The following ZNF609 variants were observed in gnomAD, a reference collection of about 807,000 sequenced individuals.
ZNF609 encodes the protein zinc finger protein 609.
A neutral mutation model predicts 109.5 loss-of-function variants in ZNF609; 11 were observed. The ratio of observed to expected loss-of-function variants is 0.10; its 90% CI spans 0.06 to 0.17. ZNF609 has a LOEUF of 0.17. Among genes scored for constraint, ZNF609 ranks in the 10% least tolerant of loss-of-function variants. The pLI is 1.00. For synonymous variants in ZNF609, 646 were observed against 662.0 expected (o/e 0.98, Z 0.37); for missense variants, 1,559 against 1,772.4 (o/e 0.88, Z 2.16).
intron 2 of ZNF609, among the ~76,000 whole-genome samples, chr15:64,619,652 C>T (rs557280991): frequency 1.2e-4 from 19 of 152,324 alleles, no homozygotes; most frequent in Non-Finnish European, 5.9e-5. Flanking sequence ...CATCTTCATA[C>T]AACAGAGATG....
intron 3 of ZNF609, among the ~76,000 whole-genome samples, chr15:64,651,091 C>T (rs1896408967): frequency 6.6e-6 from 1 of 152,058 alleles, no homozygotes; most frequent in African/African-American, 2.4e-5. Flanking sequence ...AGACCCATCT[C>T]AAACTATCTA....
intron 2 of ZNF609, among the ~76,000 whole-genome samples, chr15:64,576,072 AG>A (rs1567018657): frequency 6.6e-6 from 1 of 152,206 alleles, no homozygotes; most frequent in African/African-American, 2.4e-5. Context: ...GCTGCACTCC[AG>A]CCTGGGCGAC....
At chr15:64,493,902 G>A (rs1191798319) in intron 1 of ZNF609, among the ~76,000 whole-genome samples, 1 of 152,202 alleles carries the variant, frequency 6.6e-6, no homozygotes, top group Non-Finnish European at 1.5e-5. Context: ...GCTGCATAAA[G>A]CCAGGGATGC....
At chr15:64,562,230 A>G (rs943684134) in intron 2 of ZNF609, among the ~76,000 whole-genome samples, 2 of 152,214 alleles carry the variant, frequency 1.3e-5, no homozygotes, top group African/African-American at 4.8e-5. Context: ...CCCCAAAATG[A>G]TTGTCAAAGT....
At chr15:64,520,184 C>G (rs1483290674) in intron 2 of ZNF609, among the ~76,000 whole-genome samples, 3 of 152,118 alleles carry the variant, frequency 2.0e-5, no homozygotes, top group African/African-American at 7.2e-5. Flanking sequence ...TTCTGGGTTG[C>G]TATAACCAGG....
At chr15:64,517,577 T>G (rs752348396) in intron 2 of ZNF609, among the ~76,000 whole-genome samples, 19 of 152,006 alleles carry the variant, frequency 1.2e-4, no homozygotes, top group Non-Finnish European at 2.4e-4. Context: ...GCACTTAGGA[T>G]AAAGAGTTGA....
At chr15:64,513,962 C>G (rs1457725406) in intron 2 of ZNF609, among the ~76,000 whole-genome samples, 6 of 152,040 alleles carry the variant, frequency 3.9e-5, no homozygotes. Context: ...TGTGTTGATA[C>G]ATGCCTGTGG....
chr15:64,609,226 C>T (rs1595737865), intron 2 of ZNF609, among the ~76,000 whole-genome samples: 1 of 151,372 alleles, frequency 6.6e-6, no homozygotes, highest in African/African-American at 2.4e-5. Flanking sequence ...CACTCTGTCG[C>T]CCAGGCTGGA....
At chr15:64,562,346 A>G (rs1173546884) in intron 2 of ZNF609, among the ~76,000 whole-genome samples, 1 of 152,232 alleles carries the variant, frequency 6.6e-6, no homozygotes, top group Non-Finnish European at 1.5e-5. Context: ...TAATCTCACA[A>G]TAGCCTTGGC....
chr15:64,637,853 C>G (rs1418483382), intron 3 of ZNF609, among the ~76,000 whole-genome samples: 2 of 151,208 alleles, frequency 1.3e-5, no homozygotes, highest in Non-Finnish European at 3.0e-5. Flanking sequence ...GTGTCTTTGT[C>G]TTCATTTTTA....
Position 64,499,726 on chromosome 15 carries a change from A to C in ZNF609, c.307A>C (p.Thr103Pro), listed in dbSNP as rs765890170. 4 of 1,614,004 alleles carry C rather than the reference A, an allele frequency of 2.5e-6. No homozygotes were observed. Among genetic ancestry groups the C allele is most frequent in the Non-Finnish European group, 3.4e-6 (4 of 1,180,002 alleles). Residue 103 changes from threonine to proline, a missense_variant, in exon 2 of 10, where the codon ACT (threonine) becomes CCT (proline). Thr to Pro is a conservative substitution (Grantham distance 38). Around this residue, in one of 4 missense-constraint regions of ZNF609, gnomAD observed 291 missense variants for 317.8 expected, o/e 0.92. Transcript: ENST00000326648. ...SKSGKDTSKP[T>P]PGTSLFTPSE... ...GAGTGGCAAAGACACTAGCAAACCC[A>C]CTCCAGGGACTTCCCTGTTCACTCC...
At chr15:64,529,498 C>T in intron 2 of ZNF609, 1 of 1,117,198 alleles carries the variant, frequency 9.0e-7, no homozygotes, top group Non-Finnish European at 1.3e-6. Flanking sequence ...CTTGACGGTG[C>T]CATGGAATTT....
intron 2 of ZNF609, among the ~76,000 whole-genome samples, chr15:64,508,080 T>C: frequency 6.6e-6 from 1 of 152,044 alleles, no homozygotes; most frequent in East Asian, 1.9e-4. Context: ...GTAAGAGCAA[T>C]AGCTCTTTTG....
At chr15:64,670,879 CAAAAAA>C (rs112565259) in intron 4 of ZNF609, among the ~76,000 whole-genome samples, 1 of 50,746 alleles carries the variant, frequency 2.0e-5, no homozygotes, top group Admixed American at 2.4e-4. Flanking sequence ...AACTCCATCT[CAAAAAA>C]AAAAAAAAAA....
chr15:64,652,369 A>C (rs1051584493), intron 3 of ZNF609, among the ~76,000 whole-genome samples: 1 of 141,940 alleles, frequency 7.0e-6, no homozygotes, highest in African/African-American at 2.6e-5. Flanking sequence ...CTACAGGCAC[A>C]CACCACCATG....
At chr15:64,597,873 T>C (rs959294699) in intron 2 of ZNF609, among the ~76,000 whole-genome samples, 2 of 152,148 alleles carry the variant, frequency 1.3e-5, no homozygotes, top group East Asian at 1.9e-4. Context: ...CATCTACTTA[T>C]ATGTCACACT....
intron 2 of ZNF609, among the ~76,000 whole-genome samples, chr15:64,543,590 C>T (rs919418569): frequency 6.6e-6 from 1 of 151,546 alleles, no homozygotes; most frequent in Admixed American, 6.6e-5. Context: ...TTACAGGCGC[C>T]CTGCCACCAT....
chr15:64,487,695 C>T (rs1334822858), intron 1 of ZNF609, among the ~76,000 whole-genome samples: 2 of 151,892 alleles, frequency 1.3e-5, no homozygotes, highest in African/African-American at 4.8e-5. Flanking sequence ...TGCGGTGGCA[C>T]AATCTCGGCT....
At chr15:64,483,138 C>G (rs970205862) in intron 1 of ZNF609, among the ~76,000 whole-genome samples, 9 of 152,002 alleles carry the variant, frequency 5.9e-5, no homozygotes, top group African/African-American at 1.9e-4. Context: ...TCTTATCACC[C>G]AGGCTGGAGT....
Sources: gnomAD v4.1 joint callset for allele counts (sites outside exome capture counted in the v4.1 genomes callset) on GRCh38, gnomAD v4.1.1 for gene constraint, gnomAD v4.1.1 regional missense constraint, MANE v1.5 for transcripts, NCBI Gene and HGNC (gene_info 2026-07-23, HGNC 2026-07-21) for gene names.